Variants in SLC4A8 observed in about 807,000 individuals in gnomAD.
The protein encoded by SLC4A8 is electroneutral sodium bicarbonate exchanger 1.
Under a neutral mutation model 125.0 loss-of-function variants are expected in SLC4A8, and 40 were observed. The observed-to-expected ratio is 0.32, with a 90% CI of 0.25 to 0.42. SLC4A8 has a LOEUF of 0.42. Ranked by LOEUF, SLC4A8 falls within the 10% of genes least tolerant of loss-of-function variation. SLC4A8 has a pLI of 1.00. For synonymous variants in SLC4A8, 456 were observed against 476.0 expected, an observed-to-expected ratio of 0.96 and a Z score of 0.55; for missense variants, 863 against 1,355.1, an observed-to-expected ratio of 0.64 and a Z score of 5.70.
In SLC4A8 at chr12:51,511,866, C is replaced by T. The variant is rs1011490920; in HGVS notation, c.*4428C>T. 3 of 152,212 alleles carry T rather than the reference C, an allele frequency of 2.0e-5. No individual in the cohort carries two copies. Among genetic ancestry groups the T allele is most frequent in the Admixed American group, 6.5e-5 (1 of 15,284 alleles). The allele number at this position is 152,212 out of a possible 1,614,324, so 9.4% of individuals were successfully genotyped here. A position where few individuals can be genotyped will look rare whatever the true frequency, so the allele number is the denominator to read the frequency against. ...ACCTTTTTTGCAACATAGGCAGAAA[C>T]ACCAAGCTGTGGGTAATTGATGTGC... On this transcript the variant is annotated 3_prime_UTR_variant, in exon 25 of 25. Coordinates refer to ENST00000453097, the MANE Select transcript of SLC4A8 (RefSeq NM_001039960.3).
At chr12:51,413,038 T>G (rs1361250305) in intron 1 of SLC4A8, among the ~76,000 whole-genome samples, 1 of 152,238 alleles carries the variant, frequency 6.6e-6, no homozygotes, top group Non-Finnish European at 1.5e-5. Flanking sequence ...TTACTATCAG[T>G]TTATAAGAGT....
At chr12:51,424,054 C>CAAAAAAAAAAAAAAAAAAAAAAAAA (rs1334821004), upstream of SLC4A8, among the ~76,000 whole-genome samples, 6 of 77,436 alleles carry the variant, frequency 7.7e-5, no homozygotes, top group Admixed American at 1.6e-4. Flanking sequence ...AAAAAAAAAA[C>CAAAAAAAAAAAAAAAAAAAAAAAAA]AAAAAAAACA....
intron 1 of SLC4A8, among the ~76,000 whole-genome samples, chr12:51,403,683 A>G (rs1443436432): frequency 1.3e-5 from 2 of 152,354 alleles, no homozygotes; most frequent in South Asian, 2.1e-4. Flanking sequence ...TACCCCAGCC[A>G]CATGGCACCC....
rs57867396 is a variant in SLC4A8, at chr12:51,449,435, G to GAA, written c.131-1429_131-1428dup. On this transcript the variant is annotated intron_variant, in intron 2 of 24. Coordinates refer to ENST00000453097, the MANE Select transcript of SLC4A8 (RefSeq NM_001039960.3). ...GTGAGACCCTATCTAAAAAAGAAAG[G>GAA]AAAAAAAAAAAAACTGATGCAAAGT... Among the ~76,000 whole-genome samples the GAA allele has an allele frequency of 1.7e-3, 253 of 144,710 alleles. 1 individual carries two copies. Among genetic ancestry groups the GAA allele is most frequent in the Middle Eastern group, 0.01 (3 of 288 alleles). 94.9% of individuals were successfully genotyped at this position (144,710 alleles called of 152,430 possible).
At chr12:51,480,366 T>C in intron 16 of SLC4A8, 1 of 1,168,294 alleles carries the variant, frequency 8.6e-7, no homozygotes, top group African/African-American at 1.7e-5. Context: ...AAGTCTAGAA[T>C]GTGCTGCTTA....
At chr12:51,397,269 G>A (rs1297535142) in intron 1 of SLC4A8, among the ~76,000 whole-genome samples, 1 of 152,140 alleles carries the variant, frequency 6.6e-6, no homozygotes, top group Non-Finnish European at 1.5e-5. Context: ...TCATCACTTG[G>A]TCAAGGGAAA....
At chr12:51,494,827 A>G in intron 20 of SLC4A8, 118 bp from the exon 21 acceptor site, 1 of 743,814 alleles carries the variant, frequency 1.3e-6, no homozygotes, top group Non-Finnish European at 2.1e-6. Context: ...ATTTCTGTCC[A>G]GAGGAAATGG....
chr12:51,416,211 GTTT>G (rs57565585), intron 1 of SLC4A8, among the ~76,000 whole-genome samples: 1 of 82,536 alleles, frequency 1.2e-5, no homozygotes. Context: ...GAGGTCTTTT[GTTT>G]TTTTTTTTTT....
chr12:51,494,779 TTGGCCAAATTGCC>T (rs1412778138), intron 20 of SLC4A8, 153 bp from the exon 21 acceptor site: 1 of 535,022 alleles, frequency 1.9e-6, no homozygotes, highest in Non-Finnish European at 3.3e-6. Context: ...CTTAATAACC[TTGGCCAAATTGCC>T]TGGTCTTTTA....
chr12:51,515,199 A>G lies in SLC4A8; in HGVS notation c.*7761A>G, dbSNP rs1938490736. The G allele has an allele frequency of 2.0e-5, 3 of 152,250 alleles. No individual in the cohort carries two copies. Among genetic ancestry groups the G allele is most frequent in the South Asian group, 4.1e-4 (2 of 4,834 alleles). 9.4% of individuals were successfully genotyped at this position (152,250 alleles called of 1,614,324 possible). A position where few individuals can be genotyped will look rare whatever the true frequency, so the allele number is the denominator to read the frequency against. The stretch of plus-strand genomic sequence containing the variant: ...ACATGTGCAATAATGCTGGAAACAG[A>G]AGCACCAAACTGATTGTGCAATTAC... On this transcript the variant is annotated 3_prime_UTR_variant, in exon 25 of 25. Coordinates refer to ENST00000453097, the MANE Select transcript of SLC4A8 (RefSeq NM_001039960.3).
chr12:51,495,157 G>T, intron 21 of SLC4A8, 39 bp downstream of exon 21: 1 of 1,530,354 alleles, frequency 6.5e-7, no homozygotes, highest in Non-Finnish European at 8.9e-7. Context: ...TATTATCATT[G>T]TTATTTTTTA....
At chr12:51,399,987 A>AG (rs1434419757) in intron 1 of SLC4A8, among the ~76,000 whole-genome samples, 2 of 151,894 alleles carry the variant, frequency 1.3e-5, no homozygotes, top group Non-Finnish European at 2.9e-5. Flanking sequence ...TCTCAAAAAA[A>AG]AAAAAAAAAA....
chr12:51,497,649 A>G (rs1951499672), intron 22 of SLC4A8: 1 of 152,688 alleles, frequency 6.5e-6, no homozygotes, highest in African/African-American at 2.4e-5. Flanking sequence ...AAATGAAAAT[A>G]CCAGACCAAG....
At chr12:51,410,824 G>C (rs147248861) in intron 1 of SLC4A8, among the ~76,000 whole-genome samples, 67 of 149,942 alleles carry the variant, frequency 4.5e-4, no homozygotes, top group African/African-American at 1.5e-3. Flanking sequence ...ACACTCCATG[G>C]TTTGGATTTC....
At chr12:51,488,558 C>G (rs1193916208) in intron 17 of SLC4A8, 141 bp from the exon 18 acceptor site, 1 of 624,482 alleles carries the variant, frequency 1.6e-6, no homozygotes, top group South Asian at 2.6e-5. Flanking sequence ...TAAGGAGTTG[C>G]TGTATTTCAT....
intron 1 of SLC4A8, among the ~76,000 whole-genome samples, chr12:51,396,298 T>C (rs1948259712): frequency 6.6e-6 from 1 of 152,156 alleles, no homozygotes; most frequent in Non-Finnish European, 1.5e-5. Flanking sequence ...GGTGTGGAGA[T>C]ACAAGGATAA....
intron 1 of SLC4A8, among the ~76,000 whole-genome samples, chr12:51,435,473 T>C (rs1393404092): frequency 6.6e-6 from 1 of 152,192 alleles, no homozygotes; most frequent in Non-Finnish European, 1.5e-5. Flanking sequence ...AGTGACCTTG[T>C]GAAGCCAGGC....
At chr12:51,427,853 A>G (rs1390740729) in intron 1 of SLC4A8, among the ~76,000 whole-genome samples, 1 of 152,202 alleles carries the variant, frequency 6.6e-6, no homozygotes, top group African/African-American at 2.4e-5. Context: ...TACTCTCCAC[A>G]TGGCAGCCAC....
chr12:51,418,395 G>A (rs369545037), intron 1 of SLC4A8, among the ~76,000 whole-genome samples: 5 of 152,126 alleles, frequency 3.3e-5, no homozygotes, highest in African/African-American at 7.2e-5. Flanking sequence ...GACAAGTTCC[G>A]GAGAGACCCA....
Sources: allele counts gnomAD v4.1 joint callset (sites outside exome capture counted in the v4.1 genomes callset), GRCh38; gene constraint gnomAD v4.1.1; transcripts MANE v1.5; gene names NCBI Gene and HGNC (gene_info 2026-07-23, HGNC 2026-07-21).